HOXD3: variants seen among roughly 807,000 people sequenced by gnomAD.
The protein encoded by HOXD3 is homeobox D3, also known as homeobox protein Hox-D3.
In HOXD3, 13 loss-of-function variants were observed where a neutral mutation model predicts 32.8. The observed-to-expected ratio is 0.40, with a 90% CI of 0.26 to 0.63. The LOEUF (loss-of-function observed/expected upper bound fraction) is 0.63. Ranked by LOEUF, HOXD3 falls within the 20% of genes least tolerant of loss-of-function variation. HOXD3 has a pLI of 0.44. For synonymous variants in HOXD3, 241 were observed against 246.8 expected, an observed-to-expected ratio of 0.98 and a Z score of 0.22; for missense variants, 504 against 577.1, an observed-to-expected ratio of 0.87 and a Z score of 1.30.
At chr2:176,163,978 G>A (rs1378056438) in intron 1 of HOXD3, 95 bp from the exon 2 acceptor site, 2 of 152,168 alleles carry the variant, frequency 1.3e-5, no homozygotes, top group African/African-American at 4.8e-5. Context: ...TAGTCACATT[G>A]ACTATGACGT....
intron 1 of HOXD3, among the ~76,000 whole-genome samples, chr2:176,159,300 G>A (rs558740204): frequency 6.6e-6 from 1 of 152,120 alleles, no homozygotes; most frequent in Non-Finnish European, 1.5e-5. Flanking sequence ...CTCTGGCCAG[G>A]CCCGGCCAGG....
chr2:176,163,974 C>T (rs1333749838), intron 1 of HOXD3, 99 bp from the exon 2 acceptor site: 2 of 152,200 alleles, frequency 1.3e-5, no homozygotes, highest in African/African-American at 4.8e-5. Context: ...ACAATAGTCA[C>T]ATTGACTATG....
At chr2:176,166,671 C>G (rs1690978897) in intron 2 of HOXD3, among the ~76,000 whole-genome samples, 1 of 152,162 alleles carries the variant, frequency 6.6e-6, no homozygotes, top group South Asian at 2.1e-4. Flanking sequence ...AGTAGATATC[C>G]TACCTACATA....
upstream of HOXD3, chr2:176,152,731 A>C (rs769382007): frequency 2.5e-6 from 4 of 1,614,194 alleles, no homozygotes; most frequent in South Asian, 4.4e-5. This position sits in a 1 kb window ranked among gnomAD's most constrained non-coding sequence, Gnocchi z 5.2. Flanking sequence ...CGTCGGATTG[A>C]AATCGCTCAC....
upstream of HOXD3, among the ~76,000 whole-genome samples, chr2:176,155,179 CA>C (rs1690619335): frequency 2.0e-5 from 3 of 152,108 alleles, no homozygotes. Context: ...TCCTAAAACC[CA>C]AATCTGTCTA....
chr2:176,167,898 G>A (rs1043939055), intron 2 of HOXD3, among the ~76,000 whole-genome samples: 1 of 152,086 alleles, frequency 6.6e-6, no homozygotes, highest in Non-Finnish European at 1.5e-5. Flanking sequence ...CACAGCCCCT[G>A]CCTGCAAGGA....
chr2:176,171,792 C>T lies in HOXD3; in HGVS notation c.817C>T (p.Leu273Phe). 1.2e-6 allele frequency: 2 copies of T among 1,613,150 alleles called. No individual in the cohort carries two copies. The highest frequency in any genetic ancestry group is 1.1e-5 in the South Asian group (1 of 91,040). Residue 273 changes from leucine (L) to phenylalanine (F), a missense_variant, in exon 4 of 4, where the codon CTC (leucine) becomes TTC (phenylalanine). Transcript: ENST00000683222. ...CCAGTCCCCTGAGCGCAGCCCACCGCTCGGCGGCGCCGCTGGCCACGTGGC... is the reference window on the plus strand; with the variant it reads ...CCAGTCCCCTGAGCGCAGCCCACCGTTCGGCGGCGCCGCTGGCCACGTGGC... ...ASQSPERSPP[L>F]GGAAGHVAYS...
At chr2:176,163,857 C>A (rs943463212) in intron 1 of HOXD3, among the ~76,000 whole-genome samples, 2 of 152,192 alleles carry the variant, frequency 1.3e-5, no homozygotes, top group African/African-American at 4.8e-5. Flanking sequence ...CTCCCCTCCC[C>A]CATCCAGCCA....
chr2:176,161,817 C>T (rs750612013), intron 1 of HOXD3, among the ~76,000 whole-genome samples: 3 of 152,198 alleles, frequency 2.0e-5, no homozygotes, highest in Non-Finnish European at 4.4e-5. Flanking sequence ...AGGTCCTTCT[C>T]CCCAAAGAAC....
Position 176,158,335 on chromosome 2 carries a change from G to C in HOXD3, c.-181+883G>C, listed in dbSNP as rs572101514. Among the ~76,000 whole-genome samples the C allele has an allele frequency of 2.1e-3, 315 of 152,204 alleles. No homozygotes were observed. In the Middle Eastern group the frequency reaches 0.027, roughly 13 times the overall value. ...GCTCCCGTTTCTGCCTTTTTTCACC[G>C]GCACTCCAAGAAAATTGGGTGTCCT... On this transcript the variant is annotated intron_variant, in intron 1 of 3. Coordinates refer to ENST00000683222, the MANE Select transcript of HOXD3 (RefSeq NM_006898.5).
At chr2:176,160,998 C>T (rs1314599165) in intron 1 of HOXD3, 1 of 152,266 alleles carries the variant, frequency 6.6e-6, no homozygotes, top group Non-Finnish European at 1.5e-5. Context: ...TGTCTGCAGA[C>T]AAAGGGGGAA....
intron 2 of HOXD3, among the ~76,000 whole-genome samples, chr2:176,168,439 G>A (rs576143854): frequency 4.6e-5 from 7 of 152,122 alleles, no homozygotes; most frequent in South Asian, 4.1e-4. Flanking sequence ...GTGGTGGCAG[G>A]TGCCTGTAAT....
upstream of HOXD3, among the ~76,000 whole-genome samples, chr2:176,154,580 A>T (rs1352662704): frequency 1.3e-5 from 2 of 152,238 alleles, no homozygotes; most frequent in Non-Finnish European, 2.9e-5. Flanking sequence ...TAATTTAAAA[A>T]ATATATTTAA....
intron 3 of HOXD3, 98 bp downstream of exon 3, chr2:176,169,753 G>A: frequency 1.4e-6 from 2 of 1,392,376 alleles, no homozygotes; most frequent in African/African-American, 2.9e-5. Context: ...GAGGTCATAT[G>A]TCTAAACTCC....
At chr2:176,153,308 C>T (rs866908407), upstream of HOXD3, 7 of 272,730 alleles carry the variant, frequency 2.6e-5, no homozygotes, top group African/African-American at 1.3e-4. Context: ...CCACTCCACC[C>T]CTCCAGGGTG....
At chr2:176,155,227 A>G (rs1030837697), upstream of HOXD3, among the ~76,000 whole-genome samples, 2 of 152,176 alleles carry the variant, frequency 1.3e-5, no homozygotes, top group Non-Finnish European at 2.9e-5. Flanking sequence ...GGAAAAAGGT[A>G]TATATTTTCA....
chr2:176,168,451 C>T (rs1290188302), intron 2 of HOXD3, among the ~76,000 whole-genome samples: 1 of 151,950 alleles, frequency 6.6e-6, no homozygotes, highest in Non-Finnish European at 1.5e-5. Context: ...GCCTGTAATC[C>T]CAGCTACTCA....
At chr2:176,152,916 C>T, upstream of HOXD3, 7 of 1,614,176 alleles carry the variant, frequency 4.3e-6, no homozygotes, top group Non-Finnish European at 5.9e-6. The surrounding 1 kb of genome is among the most constrained non-coding windows in gnomAD (Gnocchi z 5.2). Flanking sequence ...GGCCAAAGAC[C>T]ACCACACGGA....
At chr2:176,156,600 T>C (rs1338921708), upstream of HOXD3, among the ~76,000 whole-genome samples, 1 of 152,090 alleles carries the variant, frequency 6.6e-6, no homozygotes, top group African/African-American at 2.4e-5. Flanking sequence ...CTTCTACTTT[T>C]CCAGTACTGT....
Sources: gnomAD v4.1 joint callset for allele counts (sites outside exome capture counted in the v4.1 genomes callset) on GRCh38, gnomAD v4.1.1 for gene constraint, Gnocchi (gnomAD v3.1) non-coding constraint, MANE v1.5 for transcripts, NCBI Gene and HGNC (gene_info 2026-07-23, HGNC 2026-07-21) for gene names.